Variants in PCDHGB6 observed in about 807,000 individuals in gnomAD.
PCDHGB6 encodes the protein protocadherin gamma subfamily B, 6, also known as protocadherin gamma-B6.
PCDHGB6 carries 51 observed loss-of-function variants against 59.1 expected under a neutral mutation model. The ratio of observed to expected loss-of-function variants is 0.86; its 90% CI spans 0.69 to 1.09. The LOEUF is 1.09. Ranked by LOEUF, PCDHGB6 falls within the 50% of genes least tolerant of loss-of-function variation. PCDHGB6 has a pLI of 0.00. For missense variants in PCDHGB6, 1,148 were observed against 1,205.1 expected (o/e 0.95, Z 0.70); for synonymous variants, 466 against 495.1 (o/e 0.94, Z 0.78).
chr5:141,418,248 C>T (rs372067603), intron 1 of PCDHGB6: 7 of 1,613,882 alleles, frequency 4.3e-6, no homozygotes, highest in African/African-American at 1.3e-5. Flanking sequence ...AATGACCACG[C>T]CCCTCAATTC....
chr5:141,510,833 C>G, intron 3 of PCDHGB6, 114 bp from the exon 4 acceptor site: 2 of 1,577,796 alleles, frequency 1.3e-6, no homozygotes, highest in Admixed American at 1.7e-5. Context: ...CAGTGCTCAG[C>G]GTGGTCAAGG....
chr5:141,473,004 AAAAG>A (rs1215989598), intron 1 of PCDHGB6, among the ~76,000 whole-genome samples: 5 of 151,730 alleles, frequency 3.3e-5, no homozygotes, highest in Non-Finnish European at 7.4e-5. Context: ...AAAAGAAAGA[AAAAG>A]AAAAAGAAAG....
intron 1 of PCDHGB6, chr5:141,421,916 G>A (rs754653877): frequency 2.5e-6 from 4 of 1,613,646 alleles, no homozygotes; most frequent in Non-Finnish European, 2.5e-6. Flanking sequence ...GTTCCCATTC[G>A]TGTGGTGGTC....
At position 141,500,878 on chromosome 5, in the gene PCDHGB6, T is replaced by A. The variant is rs545375199; in HGVS notation, c.2478-4515T>A. On this transcript the variant is annotated intron_variant, in intron 2 of 3. Transcript: ENST00000520790. The stretch of plus-strand genomic sequence containing the variant: ...AGAAAACATACACATTCATTTACAA[T>A]TTTTTTTTTTTGAGACAGTCTCGCT... Among the ~76,000 whole-genome samples, 20 of 92,410 alleles carry A rather than the reference T, an allele frequency of 2.2e-4. 1 individual carries two copies. The East Asian group carries it at 4.8e-3, about 22-fold the overall frequency. The allele number at this position is 92,410 out of a possible 152,430, so 60.6% of individuals were successfully genotyped here.
intron 1 of PCDHGB6, among the ~76,000 whole-genome samples, chr5:141,457,384 G>A (rs2154565902): frequency 6.6e-6 from 1 of 152,270 alleles, no homozygotes; most frequent in African/African-American, 2.4e-5. Context: ...CCCAGAACTA[G>A]CATATTGATT....
intron 1 of PCDHGB6, chr5:141,478,619 A>G: frequency 6.4e-7 from 1 of 1,555,598 alleles, no homozygotes; most frequent in Non-Finnish European, 8.7e-7. Context: ...GAAGGAATGG[A>G]GCTGTTTTTT....
chr5:141,490,960 T>C lies in PCDHGB6; in HGVS notation c.2419-3847T>C. 1.9e-6 allele frequency: 3 copies of C among 1,613,794 alleles called. No homozygotes were observed. The highest frequency in any genetic ancestry group is 2.2e-5 in the South Asian group (2 of 91,030). On this transcript the variant is annotated intron_variant, in intron 1 of 3. Transcript: ENST00000520790. The surrounding 1 kb of genome is among the most constrained non-coding windows in gnomAD (Gnocchi z 5.4). ...GCACCCACGGCCAGACTGGGAACACTCAGCCCCCCAGCGTCTCCCTCGCTC... is the reference window on the plus strand; with the variant it reads ...GCACCCACGGCCAGACTGGGAACACCCAGCCCCCCAGCGTCTCCCTCGCTC...
intron 1 of PCDHGB6, among the ~76,000 whole-genome samples, chr5:141,457,046 T>A (rs2098905373): frequency 6.6e-6 from 1 of 152,198 alleles, no homozygotes; most frequent in South Asian, 2.1e-4. Flanking sequence ...ATAGTAAAAC[T>A]TTCATGCTTC....
At position 141,433,188 on chromosome 5, in the gene PCDHGB6, G is replaced by A. The variant is rs2097573612; in HGVS notation, c.2418+22568G>A. The A allele has an allele frequency of 2.5e-6, 4 of 1,583,816 alleles. No homozygotes were observed. The South Asian group carries it at 3.5e-5, about 14-fold the overall frequency. On this transcript the variant is annotated intron_variant, in intron 1 of 3. Coordinates refer to ENST00000520790, the MANE Select transcript of PCDHGB6 (RefSeq NM_018926.3). ...GACAGTCATGGGTTAATTGAGGTGA[G>A]TTTATATCAAATCTTCTTTCTTTTT...
intron 2 of PCDHGB6, among the ~76,000 whole-genome samples, chr5:141,497,336 A>G (rs558221190): frequency 1.6e-3 from 251 of 152,122 alleles, no homozygotes; most frequent in Non-Finnish European, 2.8e-3. Flanking sequence ...TTCACCATTG[A>G]ACCTGGAAGC....
intron 1 of PCDHGB6, chr5:141,413,494 G>C: frequency 6.2e-7 from 1 of 1,614,042 alleles, no homozygotes; most frequent in Non-Finnish European, 8.5e-7. Flanking sequence ...CGCGCGGTGC[G>C]TGGTGAGTTT....
intron 1 of PCDHGB6, chr5:141,419,843 C>T: frequency 6.2e-7 from 1 of 1,614,070 alleles, no homozygotes; most frequent in Non-Finnish European, 8.5e-7. Flanking sequence ...CACGCTGCAC[C>T]TGGTGTTCGC....
At chr5:141,505,804 G>A (rs554534524) in intron 3 of PCDHGB6, among the ~76,000 whole-genome samples, 13 of 152,240 alleles carry the variant, frequency 8.5e-5, no homozygotes, top group Admixed American at 3.3e-4. Context: ...GACTTGGATC[G>A]ACTTGCTCAA....
intron 1 of PCDHGB6, among the ~76,000 whole-genome samples, chr5:141,464,440 T>C (rs566597587): frequency 6.6e-6 from 1 of 151,608 alleles, no homozygotes; most frequent in South Asian, 2.1e-4. Context: ...TATATGTTTG[T>C]TGTTGTTGTT....
intron 1 of PCDHGB6, among the ~76,000 whole-genome samples, chr5:141,439,631 A>C (rs1459977985): frequency 2.0e-5 from 3 of 152,214 alleles, no homozygotes; most frequent in Non-Finnish European, 2.9e-5. Context: ...ATCCCCAGAC[A>C]TTCCGGCTTG....
chr5:141,505,345 G>A (rs776607130), intron 2 of PCDHGB6, 48 bp from the exon 3 acceptor site: 13 of 1,613,086 alleles, frequency 8.1e-6, no homozygotes, highest in Non-Finnish European at 1.1e-5. Flanking sequence ...AGGGGCATGA[G>A]CTGTGCCGGC....
chr5:141,489,944 T>C lies in PCDHGB6; in HGVS notation c.2419-4863T>C. On this transcript the variant is annotated intron_variant, in intron 1 of 3. Coordinates refer to ENST00000520790, the MANE Select transcript of PCDHGB6 (RefSeq NM_018926.3). The surrounding 1 kb of genome is among the most constrained non-coding windows in gnomAD (Gnocchi z 4.5). Reference sequence around the variant, plus strand: ...CTTATCTCTGTCATCGTGCTGGACATCAATGATAATGCTCCAACCTTCCAA... The same window carrying C: ...CTTATCTCTGTCATCGTGCTGGACACCAATGATAATGCTCCAACCTTCCAA... 6.2e-7 allele frequency: 1 copy of C among 1,614,172 alleles called. No homozygotes were observed. Among genetic ancestry groups the C allele is most frequent in the Non-Finnish European group, 8.5e-7 (1 of 1,180,010 alleles).
At chr5:141,440,593 T>C (rs1456640262) in intron 1 of PCDHGB6, 1 of 152,202 alleles carries the variant, frequency 6.6e-6, no homozygotes, top group African/African-American at 2.4e-5. Context: ...TGGAACAAGA[T>C]TTGCAACAGA....
chr5:141,455,961 G>C (rs1447678052), intron 1 of PCDHGB6, among the ~76,000 whole-genome samples: 1 of 150,954 alleles, frequency 6.6e-6, no homozygotes, highest in African/African-American at 2.4e-5. Context: ...GCAGTGGCGC[G>C]ATCTCAGCTC....
Sources: allele counts gnomAD v4.1 joint callset (sites outside exome capture counted in the v4.1 genomes callset), GRCh38; gene constraint gnomAD v4.1.1; non-coding constraint Gnocchi (gnomAD v3.1); transcripts MANE v1.5; gene names NCBI Gene and HGNC (gene_info 2026-07-23, HGNC 2026-07-21).